EML6: variants seen among roughly 807,000 people sequenced by gnomAD.
EML6 encodes the protein echinoderm microtubule-associated protein-like 6.
In EML6, 154 loss-of-function variants were observed where a neutral mutation model predicts 240.1. That is an observed-to-expected ratio of 0.64 (90% confidence interval 0.56 to 0.73). The LOEUF is 0.73. Among genes scored for constraint, EML6 ranks in the 30% least tolerant of loss-of-function variants. EML6 has a pLI of 0.00. For synonymous variants in EML6, 1,148 were observed against 899.0 expected (o/e 1.28, Z -4.95); for missense variants, 2,964 against 2,474.6 (o/e 1.20, Z -4.20).
intron 2 of EML6, among the ~76,000 whole-genome samples, chr2:54,747,912 A>G (rs1180280431): frequency 6.6e-6 from 1 of 152,170 alleles, no homozygotes; most frequent in African/African-American, 2.4e-5. Context: ...TTTACTTTAT[A>G]TTAATACTTG....
intron 26 of EML6, among the ~76,000 whole-genome samples, chr2:54,920,748 C>G (rs889797736): frequency 6.6e-6 from 1 of 151,988 alleles, no homozygotes; most frequent in Non-Finnish European, 1.5e-5. Context: ...AATATAGGTG[C>G]AAAAATCTGA....
intron 15 of EML6, 95 bp from the exon 16 acceptor site, chr2:54,871,401 GGGTT>G: frequency 1.2e-6 from 1 of 853,708 alleles, no homozygotes; most frequent in Non-Finnish European, 1.9e-6. Context: ...TTCTCCAAAT[GGGTT>G]TATCTTGGTT....
intron 28 of EML6, among the ~76,000 whole-genome samples, chr2:54,932,511 G>C (rs942788319): frequency 4.6e-5 from 7 of 152,052 alleles, no homozygotes; most frequent in Non-Finnish European, 7.4e-5. Flanking sequence ...GCCCCAACCT[G>C]ACACACCTCT....
In EML6 at chr2:54,724,376, A is replaced by T. The variant is rs1682811366; in HGVS notation, c.-513-173A>T. On this transcript the variant is annotated intron_variant, in intron 1 of 41. Coordinates refer to ENST00000356458, the MANE Select transcript of EML6 (RefSeq NM_001039753.4). This position sits in a 1 kb window ranked among gnomAD's most constrained non-coding sequence, Gnocchi z 5.2. ...GCATCAGCAACTGCCAGGCAGCAGC[A>T]TTTACGCATATTTCATATCATTAAG... Among the ~76,000 whole-genome samples, 5 of 152,152 alleles carry T rather than the reference A, an allele frequency of 3.3e-5. No homozygotes were observed. Among genetic ancestry groups the T allele is most frequent in the Non-Finnish European group, 1.5e-5 (1 of 68,028 alleles).
chr2:54,739,640 G>T (rs1414006540), intron 2 of EML6, among the ~76,000 whole-genome samples: 3 of 152,234 alleles, frequency 2.0e-5, no homozygotes, highest in Non-Finnish European at 4.4e-5. Context: ...CACGAGGGCA[G>T]GAGTCCACAT....
chr2:54,969,072 T>A (rs866682346), intron 41 of EML6, among the ~76,000 whole-genome samples: 2 of 152,196 alleles, frequency 1.3e-5, no homozygotes, highest in Non-Finnish European at 2.9e-5. Context: ...GATGGCTGAT[T>A]TGAGTAGAAG....
intron 11 of EML6, among the ~76,000 whole-genome samples, chr2:54,858,201 C>T (rs1670490653): frequency 6.6e-6 from 1 of 152,166 alleles, no homozygotes; most frequent in Non-Finnish European, 1.5e-5. Flanking sequence ...GTGTGAGCCT[C>T]TCCATAGATT....
At position 54,892,452 on chromosome 2, in the gene EML6, A is replaced by T; in HGVS notation, c.2540-2A>T. The T allele has an allele frequency of 6.5e-7, 1 of 1,548,554 alleles. No homozygotes were observed. Among genetic ancestry groups the T allele is most frequent in the Non-Finnish European group, 8.7e-7 (1 of 1,144,348 alleles). On this transcript the variant is annotated splice_acceptor_variant, in intron 18 of 41. Transcript: ENST00000356458. LOFTEE classifies it high-confidence loss of function. ...GTAATAACTGTTCTTGGTCCACTCT[A>T]GGTGGGGGCTTCACTTCTAAAAGAG...
intron 2 of EML6, among the ~76,000 whole-genome samples, chr2:54,764,197 G>C (rs1221746426): frequency 6.6e-6 from 1 of 152,194 alleles, no homozygotes; most frequent in African/African-American, 2.4e-5. Context: ...CATTTATGCT[G>C]TGTGCCTGTC....
chr2:54,966,375 A>G (rs1044654008), intron 38 of EML6, among the ~76,000 whole-genome samples: 1 of 152,224 alleles, frequency 6.6e-6, no homozygotes, highest in Non-Finnish European at 1.5e-5. Context: ...AGCTCATTCC[A>G]GGAGAAGCAC....
chr2:54,883,317 A>C (rs143750750), intron 17 of EML6, among the ~76,000 whole-genome samples: 1 of 152,176 alleles, frequency 6.6e-6, no homozygotes. Context: ...ACTGTGTTCT[A>C]ATTTGTTACC....
intron 19 of EML6, 65 bp from the exon 20 acceptor site, chr2:54,894,850 T>G: frequency 8.9e-7 from 1 of 1,120,684 alleles, no homozygotes; most frequent in South Asian, 1.4e-5. Context: ...GGAATCCTCC[T>G]GGGGCCAAGT....
chr2:54,928,815 G>C (rs1381728605), intron 28 of EML6, 64 bp downstream of exon 28: 4 of 1,544,060 alleles, frequency 2.6e-6, no homozygotes, highest in East Asian at 4.9e-5. Context: ...GTTTAAGCCA[G>C]AGTGCGTTTT....
At chr2:54,825,039 T>C (rs925721392) in intron 5 of EML6, among the ~76,000 whole-genome samples, 1 of 152,256 alleles carries the variant, frequency 6.6e-6, no homozygotes, top group African/African-American at 2.4e-5. Flanking sequence ...ATGTGGGCCT[T>C]ATACCATCTG....
intron 5 of EML6, among the ~76,000 whole-genome samples, chr2:54,825,480 C>G (rs750442616): frequency 1.3e-5 from 2 of 152,216 alleles, no homozygotes; most frequent in Non-Finnish European, 1.5e-5. Flanking sequence ...CCAGGATGGT[C>G]TCTAACTCCT....
intron 22 of EML6, among the ~76,000 whole-genome samples, chr2:54,901,741 A>G (rs1209494510): frequency 6.6e-6 from 1 of 152,242 alleles, no homozygotes; most frequent in African/African-American, 2.4e-5. Flanking sequence ...TACCATGAAC[A>G]GAGGAGTTGG....
At chr2:54,952,748 C>A in intron 31 of EML6, 56 bp downstream of exon 31, 1 of 1,208,452 alleles carries the variant, frequency 8.3e-7, no homozygotes, top group Non-Finnish European at 1.2e-6. Flanking sequence ...GCTGACCTGT[C>A]AGCAATTATT....
chr2:54,915,213 C>G (rs763485665), intron 25 of EML6, among the ~76,000 whole-genome samples: 1 of 152,110 alleles, frequency 6.6e-6, no homozygotes, highest in Non-Finnish European at 1.5e-5. Context: ...CATTTGCTTC[C>G]CCTGGAGAAC....
chr2:54,859,818 G>A, intron 12 of EML6, 117 bp downstream of exon 12: 1 of 776,580 alleles, frequency 1.3e-6, no homozygotes, highest in Non-Finnish European at 1.9e-6. Flanking sequence ...ATTGATTCCT[G>A]TAATCTTAAA....
Sources: gnomAD v4.1 joint callset for allele counts (sites outside exome capture counted in the v4.1 genomes callset) on GRCh38, gnomAD v4.1.1 for gene constraint, Gnocchi (gnomAD v3.1) non-coding constraint, MANE v1.5 for transcripts, NCBI Gene and HGNC (gene_info 2026-07-23, HGNC 2026-07-21) for gene names.